Variants in PCM1 observed in about 807,000 individuals in gnomAD.
PCM1 encodes the protein pericentriolar material 1 protein.
PCM1 carries 157 observed loss-of-function variants against 241.9 expected under a neutral mutation model. The ratio of observed to expected loss-of-function variants is 0.65; its 90% CI spans 0.57 to 0.74. PCM1 has a LOEUF of 0.74. Among genes scored for constraint, PCM1 ranks in the 30% least tolerant of loss-of-function variants. The probability of loss-of-function intolerance (pLI) is 0.00; values close to 1 mark genes in which losing one functional copy is unlikely to be tolerated. For missense variants in PCM1, 3,478 were observed against 2,360.1 expected (o/e 1.47, Z -9.81); for synonymous variants, 1,085 against 784.9 (o/e 1.38, Z -6.39).
intron 26 of PCM1, chr8:17,986,388 GTATT>G (rs796292168): frequency 7.9e-5 from 13 of 164,642 alleles, no homozygotes; most frequent in African/African-American, 2.9e-4. Flanking sequence ...AATGTATGTT[GTATT>G]TATTTAAGAC....
intron 16 of PCM1, 70 bp downstream of exon 16, chr8:17,962,244 A>G (rs1035473017): frequency 1.5e-6 from 2 of 1,359,664 alleles, no homozygotes; most frequent in Admixed American, 4.5e-5. Context: ...TCAATAAGGC[A>G]CATCTCAAGA....
intron 29 of PCM1, among the ~76,000 whole-genome samples, chr8:17,999,386 T>C (rs1286034378): frequency 6.6e-6 from 1 of 152,048 alleles, no homozygotes; most frequent in Admixed American, 6.6e-5. Context: ...GATTAATCCT[T>C]CCAGGACTGG....
In PCM1 at chr8:18,029,410, C is replaced by T. The variant is rs923024310; in HGVS notation, c.*1748C>T. 3 of 198,774 alleles carry T rather than the reference C, an allele frequency of 1.5e-5. No homozygotes were observed. Among genetic ancestry groups the T allele is most frequent in the African/African-American group, 1.1e-4 (3 of 26,478 alleles). 12.3% of individuals were successfully genotyped at this position (198,774 alleles called of 1,614,324 possible). ...CAATAAGTTATGTTACATGCACACTCAAATTCTTTATTTTCTCCACTTTAA... is the reference window on the plus strand; with the variant it reads ...CAATAAGTTATGTTACATGCACACTTAAATTCTTTATTTTCTCCACTTTAA... On this transcript the variant is annotated 3_prime_UTR_variant, in exon 39 of 39. Coordinates refer to ENST00000325083, the MANE Select transcript of PCM1 (RefSeq NM_006197.4).
chr8:17,939,328 A>G (rs1201425025), intron 5 of PCM1, among the ~76,000 whole-genome samples: 1 of 152,188 alleles, frequency 6.6e-6, no homozygotes, highest in Non-Finnish European at 1.5e-5. Flanking sequence ...TAAAATGGCA[A>G]ATATTCTTTT....
intron 26 of PCM1, 79 bp downstream of exon 26, chr8:17,986,166 T>C (rs959307948): frequency 1.0e-5 from 10 of 1,002,416 alleles, no homozygotes; most frequent in African/African-American, 5.0e-5. Context: ...TATTGTCAAA[T>C]TGTAGGTAGA....
chr8:17,968,726 A>G (rs208050), intron 21 of PCM1, among the ~76,000 whole-genome samples: 10,903 of 116,044 alleles, frequency 0.094, 630 homozygotes, highest in African/African-American at 0.2. Flanking sequence ...ATATGGATGT[A>G]TATATGTGTG....
chr8:18,010,660 G>A lies in PCM1; in HGVS notation c.5212G>A (p.Glu1738Lys). The A allele has an allele frequency of 6.3e-7, 1 of 1,599,818 alleles. No homozygotes were observed. Among genetic ancestry groups the A allele is most frequent in the Non-Finnish European group, 8.5e-7 (1 of 1,173,096 alleles). Residue 1738 changes from glutamate to lysine, a missense_variant, in exon 32 of 39, where the codon GAA becomes AAA. Coordinates refer to ENST00000325083, the MANE Select transcript of PCM1 (RefSeq NM_006197.4). The stretch of plus-strand genomic sequence containing the variant: ...CTCACCTGCTGGAGAGATTGATGAT[G>A]AAGACAAAGTATGTGCTAATTAATT... ...HGSPAGEIDD[E>K]DKDKDETETV...
chr8:17,933,345 C>T (rs997050557), intron 2 of PCM1, among the ~76,000 whole-genome samples: 1 of 152,208 alleles, frequency 6.6e-6, no homozygotes, highest in Non-Finnish European at 1.5e-5. Flanking sequence ...GATTAGCATT[C>T]TAACCTCCTG....
chr8:17,939,882 A>G (rs1209894565), intron 6 of PCM1, 21 bp downstream of exon 6: 8 of 1,361,976 alleles, frequency 5.9e-6, no homozygotes, highest in Admixed American at 4.2e-5. Flanking sequence ...GACTTTTAAA[A>G]TAACATATTA....
chr8:17,960,527 G>GTTTTTGTTT, intron 15 of PCM1, 83 bp downstream of exon 15: 36 of 412,960 alleles, frequency 8.7e-5, no homozygotes, highest in East Asian at 8.0e-4. Context: ...TTTTGTTTTT[G>GTTTTTGTTT]TTTTTCTTTT....
chr8:17,972,352 A>G lies in PCM1; in HGVS notation c.3608A>G (p.Glu1203Gly), dbSNP rs1488823010. The change falls in exon 23 of 39, where the codon GAG becomes GGG. Residue 1203 changes from glutamate to glycine, a missense_variant. Transcript: ENST00000325083. ...AGGAATAAAAAACTGCCTGAAGAGGAGGTGGAAAGCAGTAGGACACCATGG... is the reference window on the plus strand; with the variant it reads ...AGGAATAAAAAACTGCCTGAAGAGGGGGTGGAAAGCAGTAGGACACCATGG... ...KPRNKKLPEE[E>G]VESSRTPWLY... 1 of 1,515,696 alleles carries G rather than the reference A, an allele frequency of 6.6e-7. No homozygotes were observed. The highest frequency in any genetic ancestry group is 1.4e-5 in the South Asian group (1 of 73,150). 93.9% of individuals were successfully genotyped at this position (1,515,696 alleles called of 1,614,324 possible).
chr8:17,965,968 T>G, intron 18 of PCM1, 31 bp from the exon 19 acceptor site: 2 of 1,524,478 alleles, frequency 1.3e-6, no homozygotes, highest in Non-Finnish European at 9.0e-7. Context: ...TTATTATGTA[T>G]GATGACTTAA....
intron 6 of PCM1, among the ~76,000 whole-genome samples, chr8:17,942,129 C>T (rs943777128): frequency 2.6e-5 from 4 of 152,004 alleles, no homozygotes; most frequent in African/African-American, 4.8e-5. Context: ...ATTTATAACA[C>T]GTTCTTAAAC....
chr8:17,955,564 C>T lies in PCM1; in HGVS notation c.1383C>T (p.Leu461=). The change falls in exon 10 of 39, where the codon CTC becomes CTT. Residue 461 remains leucine, a synonymous_variant. Transcript: ENST00000325083. ...APVVNGESNS[L]TSSVPYPTAS... ...TTGTCAATGGAGAATCCAATAGCCT[C>T]ACATCATCTGTTCCTTATCCTACTG... The T allele has an allele frequency of 6.2e-7, 1 of 1,613,592 alleles. No homozygotes were observed. Among genetic ancestry groups the T allele is most frequent in the East Asian group, 2.2e-5 (1 of 44,874 alleles).
chr8:17,931,900 C>T (rs73580030), intron 2 of PCM1, among the ~76,000 whole-genome samples: 6,196 of 151,912 alleles, frequency 0.041, 208 homozygotes, highest in African/African-American at 0.086. Flanking sequence ...TAAATAATTA[C>T]GTAAACTGTT....
chr8:17,970,269 C>T (rs753725457), intron 22 of PCM1, among the ~76,000 whole-genome samples: 34 of 152,024 alleles, frequency 2.2e-4, no homozygotes, highest in Admixed American at 1.8e-3. Flanking sequence ...AGGTTGGCTC[C>T]GTTGAACCTA....
intron 22 of PCM1, among the ~76,000 whole-genome samples, chr8:17,971,437 CTTTGT>C (rs911770690): frequency 1.8e-4 from 28 of 152,150 alleles, no homozygotes; most frequent in East Asian, 3.8e-4. Context: ...ACCTGTTTAA[CTTTGT>C]TTTATGTGTT....
chr8:17,953,456 G>C (rs1287659527), intron 9 of PCM1, among the ~76,000 whole-genome samples: 1 of 152,130 alleles, frequency 6.6e-6, no homozygotes, highest in African/African-American at 2.4e-5. Flanking sequence ...AGGTAGAAGA[G>C]AAGGCAACTG....
intron 15 of PCM1, among the ~76,000 whole-genome samples, chr8:17,961,224 G>A (rs539616498): frequency 9.2e-5 from 14 of 151,400 alleles, no homozygotes; most frequent in African/African-American, 3.2e-4. Context: ...AGATATCTTT[G>A]GTGATATCAA....
Sources: allele counts gnomAD v4.1 joint callset (sites outside exome capture counted in the v4.1 genomes callset), GRCh38; gene constraint gnomAD v4.1.1; transcripts MANE v1.5; gene names NCBI Gene and HGNC (gene_info 2026-07-23, HGNC 2026-07-21).